The following ATP11C variants were observed in gnomAD, a reference collection of about 807,000 sequenced individuals.
ATP11C encodes ATPase phospholipid transporting 11C (ATP11C blood group), also known as phospholipid-transporting ATPase IG.
In ATP11C, 36 loss-of-function variants were observed where a neutral mutation model predicts 97.4. The ratio of observed to expected loss-of-function variants is 0.37; its 90% confidence interval spans 0.28 to 0.49. ATP11C has a LOEUF of 0.49. Among genes scored for constraint, ATP11C ranks in the 20% least tolerant of loss-of-function variants. The pLI, the probability that ATP11C is intolerant of heterozygous loss-of-function variation, is 0.98. For missense variants in ATP11C, 730 were observed against 824.6 expected (o/e 0.89, Z 1.40); for synonymous variants, 275 against 290.9 (o/e 0.95, Z 0.56).
chrX:139,927,275 A>C (rs749384187), intron 1 of ATP11C, among the ~76,000 whole-genome samples: 50 of 111,672 alleles, frequency 4.5e-4, no homozygotes, highest in Non-Finnish European at 7.7e-4. Flanking sequence ...GCTGAATGAT[A>C]ATTGCTCTGC....
At chrX:139,919,776 G>A (rs909391358) in intron 1 of ATP11C, among the ~76,000 whole-genome samples, 19 of 109,892 alleles carry the variant, frequency 1.7e-4, no homozygotes, top group Non-Finnish European at 2.7e-4. Flanking sequence ...AAAAATAGCC[G>A]GGTGTGGTGG....
chrX:139,789,169 C>T (rs916708781), intron 13 of ATP11C, among the ~76,000 whole-genome samples, 158 bp downstream of exon 13: 1 of 109,048 alleles, frequency 9.2e-6, no homozygotes, highest in African/African-American at 3.3e-5. Context: ...TGCCACCGTA[C>T]TCCAGCCTGG....
chrX:139,824,255 C>A (rs2083476175), intron 2 of ATP11C, among the ~76,000 whole-genome samples: 1 of 110,324 alleles, frequency 9.1e-6, no homozygotes, highest in Non-Finnish European at 1.9e-5. Context: ...ACAATCAATG[C>A]TCCTTTTGCT....
At chrX:139,865,912 C>T (rs1007122230) in intron 1 of ATP11C, among the ~76,000 whole-genome samples, 1 of 111,909 alleles carries the variant, frequency 8.9e-6, no homozygotes, top group Non-Finnish European at 1.9e-5. Context: ...AAGATAAACA[C>T]ATCTCTAAGG....
chrX:139,864,393 T>C (rs1006342308), intron 1 of ATP11C, among the ~76,000 whole-genome samples: 4 of 112,162 alleles, frequency 3.6e-5, no homozygotes, highest in African/African-American at 1.3e-4. Flanking sequence ...AGACAAATTA[T>C]CAACATTCAA....
At chrX:139,846,398 C>CT (rs1404502034) in intron 1 of ATP11C, among the ~76,000 whole-genome samples, 17 of 112,268 alleles carry the variant, frequency 1.5e-4, no homozygotes, top group African/African-American at 5.5e-4. Flanking sequence ...GAATAAAGAG[C>CT]TAATCAAAAC....
chrX:139,885,550 C>A (rs2148056099), intron 1 of ATP11C: 1 of 111,879 alleles, frequency 8.9e-6, no homozygotes, highest in Non-Finnish European at 1.9e-5. Context: ...TTATAAAACA[C>A]ACATATGGTT....
chrX:139,883,803 A>G (rs1228989887), intron 1 of ATP11C, among the ~76,000 whole-genome samples: 2 of 111,901 alleles, frequency 1.8e-5, no homozygotes, highest in East Asian at 5.6e-4. Flanking sequence ...GAAGATATCA[A>G]AACCTAAATA....
intron 28 of ATP11C, chrX:139,732,447 A>G (rs1281948387): frequency 2.7e-6 from 1 of 370,627 alleles, no homozygotes. Context: ...TATTCACTCC[A>G]AGAGAAACTG....
Position 139,920,776 on chromosome X carries a change from G to A in ATP11C, c.27+11240C>T, listed in dbSNP as rs745586233. On this transcript the variant is annotated intron_variant, in intron 1 of 29. Transcript: ENST00000682941. ...GAAATCAGTCGAAAGTCAATGAAGT[G>A]CTCCTGGTGTGCGTCTGTAAAAGAT... is the stretch of plus-strand genomic sequence containing the variant. Among the ~76,000 whole-genome samples, 3 of 112,193 alleles carry A rather than the reference G, an allele frequency of 2.7e-5. No individual in the cohort carries two copies. The South Asian group carries it at 1.1e-3, about 41-fold the overall frequency.
At chrX:139,804,688 T>A in intron 5 of ATP11C, 89 bp from the exon 6 acceptor site, 2 of 721,110 alleles carry the variant, frequency 2.8e-6, no homozygotes, top group Non-Finnish European at 4.0e-6. Context: ...AGCAAGAGAT[T>A]ATCTCTAGCT....
Position 139,757,865 on chromosome X carries a change from G to A in ATP11C, c.2643C>T (p.Asn881=), listed in dbSNP as rs779815377. The change falls in exon 23 of 30, where the codon AAC becomes AAT. Residue 881 remains asparagine (N), a splice_region_variant and synonymous_variant. Transcript: ENST00000682941. ...AAAACTGTGGCAAAATGAAACAAAGGTTCTGAAAAAAAAAAATTAAGACAA... is the reference window on the plus strand; with the variant it reads ...AAAACTGTGGCAAAATGAAACAAAGATTCTGAAAAAAAAAAATTAAGACAA... ...AHLVQYFFYK[N]LCFILPQFLY... 3 of 1,157,053 alleles carry A rather than the reference G, an allele frequency of 2.6e-6. No individual in the cohort carries two copies. Among genetic ancestry groups the A allele is most frequent in the Admixed American group, 4.8e-5 (2 of 41,646 alleles).
chrX:139,743,546 G>A lies in ATP11C; in HGVS notation c.3030+13C>T, dbSNP rs755472374. ...ACAGTATTAAAAAATACATGAATAA[G>A]TAAAAATCTAACCTTCAGGGTTACA... On this transcript the variant is annotated intron_variant, in intron 26 of 29. Coordinates refer to ENST00000682941, the MANE Select transcript of ATP11C (RefSeq NM_001353812.2). The A allele has an allele frequency of 9.1e-7, 1 of 1,103,186 alleles. No individual in the cohort carries two copies. The highest frequency in any genetic ancestry group is 2.1e-5 in the South Asian group (1 of 48,143). The allele number at this position is 1,103,186 out of a possible 1,213,427, so 90.9% of individuals were successfully genotyped here.
chrX:139,783,137 T>C (rs745794500), intron 17 of ATP11C, 27 bp downstream of exon 17: 1 of 976,940 alleles, frequency 1.0e-6, no homozygotes, highest in Admixed American at 2.5e-5. Flanking sequence ...TGCTTACTTA[T>C]TGGTGGGGGA....
chrX:139,887,685 T>C (rs1321641147), intron 1 of ATP11C, among the ~76,000 whole-genome samples: 1 of 110,448 alleles, frequency 9.1e-6, no homozygotes, highest in Non-Finnish European at 1.9e-5. Context: ...ACTACTGCTC[T>C]TGGGCTGGGG....
chrX:139,784,661 C>T (rs5954520), intron 16 of ATP11C, among the ~76,000 whole-genome samples: 2,676 of 110,788 alleles, frequency 0.024, 72 homozygotes, highest in African/African-American at 0.084. Context: ...AGTACCAGTT[C>T]CCCTGCAAAG....
intron 2 of ATP11C, among the ~76,000 whole-genome samples, chrX:139,820,192 C>CA (rs34792545): frequency 0.19 from 16,976 of 90,515 alleles, 2,918 homozygotes; most frequent in African/African-American, 0.51. Context: ...ACTCCGTCGC[C>CA]AAAAAAAAAA....
chrX:139,853,933 C>G (rs182112795), intron 1 of ATP11C, among the ~76,000 whole-genome samples: 189 of 107,677 alleles, frequency 1.8e-3, no homozygotes, highest in African/African-American at 6.0e-3. Context: ...ACATTAACGA[C>G]GGATAATTCC....
At chrX:139,788,163 TAGG>T (rs2082615746) in intron 14 of ATP11C, 26 bp downstream of exon 14, 2 of 1,149,655 alleles carry the variant, frequency 1.7e-6, no homozygotes, top group South Asian at 2.0e-5. Flanking sequence ...TTCACTTTCT[TAGG>T]AGAAGTATAA....
Sources: allele counts gnomAD v4.1 joint callset (sites outside exome capture counted in the v4.1 genomes callset), GRCh38; gene constraint gnomAD v4.1.1; transcripts MANE v1.5; gene names NCBI Gene and HGNC (gene_info 2026-07-23, HGNC 2026-07-21).